The following EYS variants were observed in gnomAD, a reference collection of about 807,000 sequenced individuals.
EYS encodes the protein protein eyes shut homolog.
EYS carries 250 observed loss-of-function variants against 282.1 expected under a neutral mutation model. The observed-to-expected ratio is 0.89, with a 90% CI of 0.80 to 0.98. The LOEUF (loss-of-function observed/expected upper bound fraction) is 0.98. Among genes scored for constraint, EYS ranks in the 50% least tolerant of loss-of-function variants. The pLI is 0.00. For missense variants in EYS, 4,016 were observed against 3,709.0 expected, an observed-to-expected ratio of 1.08 and a Z score of -2.15; for synonymous variants, 1,355 against 1,282.9, an observed-to-expected ratio of 1.06 and a Z score of -1.20.
intron 13 of EYS, among the ~76,000 whole-genome samples, chr6:65,038,439 T>C (rs1583423633): frequency 6.6e-6 from 1 of 151,446 alleles, no homozygotes; most frequent in South Asian, 2.1e-4. Context: ...TGAGTAATAG[T>C]CCATTGTACA....
At chr6:64,753,741 T>G (rs1772840079) in intron 22 of EYS, among the ~76,000 whole-genome samples, 2 of 151,806 alleles carry the variant, frequency 1.3e-5, no homozygotes, top group African/African-American at 4.8e-5. Context: ...TAAAATGGAC[T>G]CCATTGCAAT....
intron 31 of EYS, among the ~76,000 whole-genome samples, chr6:64,112,847 A>T (rs1224337984): frequency 6.6e-6 from 1 of 150,746 alleles, no homozygotes; most frequent in African/African-American, 2.4e-5. Flanking sequence ...TCCACTTTTT[A>T]GTAGTTTTTT....
chr6:64,813,138 T>C (rs575006092), intron 22 of EYS, among the ~76,000 whole-genome samples: 3 of 151,832 alleles, frequency 2.0e-5, no homozygotes, highest in South Asian at 2.1e-4. Context: ...AAAACAATGA[T>C]AAAATGAGGG....
intron 22 of EYS, among the ~76,000 whole-genome samples, chr6:64,680,300 A>T (rs1769855720): frequency 6.6e-6 from 1 of 152,172 alleles, no homozygotes; most frequent in Non-Finnish European, 1.5e-5. Flanking sequence ...CAGTGAAACG[A>T]CCATAACTGG....
rs182342442 is a variant in EYS, at chr6:64,661,981, C to T, written c.3444-35736G>A. On this transcript the variant is annotated intron_variant, in intron 22 of 42. Transcript: ENST00000503581. ...CACAATAGCAAAGACTTGGAACCAACCCAAATGTCCAACAATGATAGACTC... is the reference window on the plus strand; with the variant it reads ...CACAATAGCAAAGACTTGGAACCAATCCAAATGTCCAACAATGATAGACTC... 4.1e-3 allele frequency among the ~76,000 whole-genome samples: 622 copies of T among 151,842 alleles called. 11 individuals carry two copies. Among genetic ancestry groups the T allele is most frequent in the Admixed American group, 0.037 (559 of 15,224 alleles).
intron 24 of EYS, among the ~76,000 whole-genome samples, chr6:64,608,810 C>T (rs1352290587): frequency 6.6e-6 from 1 of 152,044 alleles, no homozygotes; most frequent in Non-Finnish European, 1.5e-5. Flanking sequence ...TCTAAAAGGG[C>T]TATATACTGT....
At chr6:64,234,108 C>A (rs573545427) in intron 30 of EYS, among the ~76,000 whole-genome samples, 8 of 152,028 alleles carry the variant, frequency 5.3e-5, no homozygotes, top group East Asian at 1.9e-4. Context: ...AAGAAACAAA[C>A]GCTGCCAGAA....
At chr6:64,395,638 TG>T (rs972457053) in intron 28 of EYS, among the ~76,000 whole-genome samples, 7 of 55,608 alleles carry the variant, frequency 1.3e-4, no homozygotes, top group Admixed American at 1.2e-3. Context: ...GTTGTCGGGT[TG>T]GGGGGAGGGG....
intron 19 of EYS, among the ~76,000 whole-genome samples, chr6:64,861,403 C>A (rs1766233075): frequency 3.3e-5 from 5 of 152,182 alleles, no homozygotes; most frequent in Admixed American, 3.3e-4. Flanking sequence ...CACCTCTGAG[C>A]CAGTGAGGTC....
intron 30 of EYS, among the ~76,000 whole-genome samples, chr6:64,239,895 A>C (rs1241497104): frequency 6.6e-6 from 1 of 152,142 alleles, no homozygotes; most frequent in African/African-American, 2.4e-5. Flanking sequence ...TAGGTCTTAC[A>C]TTTACGTCTT....
At position 64,388,614 on chromosome 6, in the gene EYS, C is replaced by T. The variant is rs941436646; in HGVS notation, c.6078+76G>A. 10 of 1,326,644 alleles carry T rather than the reference C, an allele frequency of 7.5e-6. No homozygotes were observed. In the Admixed American group the frequency reaches 3.0e-4, roughly 40 times the overall value. The allele number at this position is 1,326,644 out of a possible 1,614,324, so 82.2% of individuals were successfully genotyped here. A position where few individuals can be genotyped will look rare whatever the true frequency, so the allele number is the denominator to read the frequency against. On this transcript the variant is annotated intron_variant, in intron 29 of 42. Transcript: ENST00000503581. ...GCCAGAAAATATTTCTAAAGTTTTT[C>T]TTTTTCATTTATCAATATGATGATT...
chr6:65,594,205 T>A (rs944510971), intron 2 of EYS, among the ~76,000 whole-genome samples: 7 of 152,074 alleles, frequency 4.6e-5, no homozygotes, highest in Admixed American at 3.9e-4. Flanking sequence ...TTTACATAGT[T>A]ACATGGTTGT....
chr6:64,932,872 A>G (rs1768771682), intron 15 of EYS, among the ~76,000 whole-genome samples: 1 of 152,086 alleles, frequency 6.6e-6, no homozygotes, highest in African/African-American at 2.4e-5. Flanking sequence ...GAACAATCCC[A>G]GTGAAACACT....
At chr6:64,285,546 T>C (rs1196291203) in intron 30 of EYS, among the ~76,000 whole-genome samples, 1 of 152,206 alleles carries the variant, frequency 6.6e-6, no homozygotes, top group African/African-American at 2.4e-5. Context: ...CCTATGTTCT[T>C]CTGAGCCCTC....
intron 29 of EYS, among the ~76,000 whole-genome samples, chr6:64,365,309 A>T (rs1348855261): frequency 1.3e-5 from 2 of 152,048 alleles, no homozygotes; most frequent in East Asian, 3.9e-4. Context: ...TTGGCAACAC[A>T]TGGGTGACAT....
In EYS at chr6:65,529,941, T is replaced by A. The variant is rs796579357; in HGVS notation, c.-332-33948A>T. ...AGAAGTAGGAAAAATAATTTTCTGT[T>A]GTTTAGAAGCCATCCAATTTATGGT... On this transcript the variant is annotated intron_variant, in intron 2 of 42. Transcript: ENST00000503581. 5.3e-5 allele frequency among the ~76,000 whole-genome samples: 8 copies of A among 152,190 alleles called. No homozygotes were observed. The South Asian group carries it at 1.2e-3, about 24-fold the overall frequency.
At chr6:64,208,266 C>T (rs1172072305) in intron 31 of EYS, among the ~76,000 whole-genome samples, 2 of 152,068 alleles carry the variant, frequency 1.3e-5, no homozygotes, top group African/African-American at 4.8e-5. Flanking sequence ...TGATTTCCTC[C>T]AATATTGGTT....
At chr6:64,462,059 G>T (rs919112273) in intron 26 of EYS, among the ~76,000 whole-genome samples, 1 of 152,062 alleles carries the variant, frequency 6.6e-6, no homozygotes, top group African/African-American at 2.4e-5. Flanking sequence ...AACAATTTGT[G>T]TATAAAATGC....
At chr6:64,171,351 G>T (rs901629698) in intron 31 of EYS, among the ~76,000 whole-genome samples, 3 of 152,102 alleles carry the variant, frequency 2.0e-5, no homozygotes, top group Non-Finnish European at 2.9e-5. Flanking sequence ...ATAATGCCTG[G>T]AGTAGTCAAC....
Sources: allele counts gnomAD v4.1 joint callset (sites outside exome capture counted in the v4.1 genomes callset), GRCh38; gene constraint gnomAD v4.1.1; transcripts MANE v1.5; gene names NCBI Gene and HGNC (gene_info 2026-07-23, HGNC 2026-07-21).